Variants in AGMO observed in about 807,000 individuals in gnomAD.
The protein encoded by AGMO is glyceryl-ether monooxygenase.
Under a neutral mutation model 60.2 loss-of-function variants are expected in AGMO, and 75 were observed. The ratio of observed to expected loss-of-function variants is 1.25; its 90% CI spans 1.03 to 1.51. The LOEUF is 1.51. Among genes scored for constraint, AGMO ranks in the 40% most tolerant of loss-of-function variants. AGMO has a pLI of 0.00. For synonymous variants in AGMO, 261 were observed against 177.1 expected, an observed-to-expected ratio of 1.47 and a Z score of -3.76; for missense variants, 763 against 525.5, an observed-to-expected ratio of 1.45 and a Z score of -4.42.
intron 12 of AGMO, among the ~76,000 whole-genome samples, chr7:15,292,470 T>C (rs1181717395): frequency 1.3e-5 from 2 of 152,126 alleles, no homozygotes; most frequent in African/African-American, 4.8e-5. Flanking sequence ...AGGAACTAAA[T>C]TGTTCAGCAT....
intron 12 of AGMO, among the ~76,000 whole-genome samples, chr7:15,281,121 C>T (rs1354368543): frequency 1.3e-5 from 2 of 152,046 alleles, no homozygotes; most frequent in Non-Finnish European, 2.9e-5. Context: ...ACAAAAGAAT[C>T]CAGATGGCAG....
chr7:15,520,532 G>C (rs10950566), intron 3 of AGMO, among the ~76,000 whole-genome samples: 8 of 152,022 alleles, frequency 5.3e-5, no homozygotes, highest in African/African-American at 1.9e-4. Flanking sequence ...TTAGAACTCA[G>C]GATTAAGAAA....
chr7:15,328,105 CTTTTTT>C (rs1470004250), intron 12 of AGMO, among the ~76,000 whole-genome samples: 1 of 150,988 alleles, frequency 6.6e-6, no homozygotes, highest in Non-Finnish European at 1.5e-5. Context: ...TCCTTCTTTT[CTTTTTT>C]ATTTTTTTTC....
At chr7:15,543,287 A>G (rs1044539510) in intron 3 of AGMO, among the ~76,000 whole-genome samples, 2 of 152,198 alleles carry the variant, frequency 1.3e-5, no homozygotes, top group Non-Finnish European at 2.9e-5. Context: ...CCTTAGCTCT[A>G]CAATCATTCC....
chr7:15,276,545 C>A (rs1388187576), intron 12 of AGMO, among the ~76,000 whole-genome samples: 1 of 152,074 alleles, frequency 6.6e-6, no homozygotes. Flanking sequence ...TATCTAGCAG[C>A]TGCTCCTCAA....
the AGMO span, among the ~76,000 whole-genome samples, chr7:15,178,132 G>A: frequency 6.6e-6 from 1 of 152,010 alleles, no homozygotes; most frequent in Non-Finnish European, 1.5e-5. Context: ...GCCCTTTTGG[G>A]GGAGTGGAAT....
chr7:15,423,392 G>A (rs9639233), intron 4 of AGMO, among the ~76,000 whole-genome samples: 54,787 of 151,870 alleles, frequency 0.36, 9,999 homozygotes, highest in Middle Eastern at 0.46. Flanking sequence ...TATTTAGAAA[G>A]TCATTATCTT....
intron 3 of AGMO, among the ~76,000 whole-genome samples, chr7:15,439,918 A>T (rs969623346): frequency 2.0e-5 from 3 of 152,118 alleles, no homozygotes; most frequent in African/African-American, 7.2e-5. Flanking sequence ...TCTTGCTTCC[A>T]ATCTCTCCCC....
In AGMO at chr7:15,418,606, A is replaced by C. The variant is rs373210948; in HGVS notation, c.561T>G (p.Ala187=). The change falls in exon 5 of 13, where the codon GCT becomes GCG. Residue 187 remains alanine (A), a synonymous_variant. Coordinates refer to ENST00000342526, the MANE Select transcript of AGMO (RefSeq NM_001004320.2). The stretch of plus-strand genomic sequence containing the variant: ...AAAGAAGATTGAATTGAAGATGAAC[A>C]GCATATACTGAAGGGGGTATGAAGA... ...LALFIPPSVY[A]VHLQFNLLYQ... is the part of the protein sequence containing the mutation. 2 of 1,585,186 alleles carry C rather than the reference A, an allele frequency of 1.3e-6. No individual in the cohort carries two copies. The highest frequency in any genetic ancestry group is 2.3e-5 in the South Asian group (2 of 86,170).
At chr7:15,470,004 A>G (rs548557517) in intron 3 of AGMO, among the ~76,000 whole-genome samples, 244 of 152,194 alleles carry the variant, frequency 1.6e-3, no homozygotes, top group African/African-American at 5.6e-3. Context: ...ACCAAACAGC[A>G]AAAACCCAAT....
chr7:15,208,628 T>C (rs12536181), intron 12 of AGMO, among the ~76,000 whole-genome samples: 13,085 of 152,248 alleles, frequency 0.086, 809 homozygotes, highest in Non-Finnish European at 0.12. Flanking sequence ...CCATTCAAAA[T>C]AACCTGCACC....
intron 3 of AGMO, among the ~76,000 whole-genome samples, chr7:15,493,904 T>C (rs531963431): frequency 2.6e-5 from 4 of 152,292 alleles, no homozygotes; most frequent in African/African-American, 9.6e-5. Context: ...ATGGGTTGTA[T>C]GAGATATTTT....
At chr7:15,326,922 G>C (rs1371972861) in intron 12 of AGMO, among the ~76,000 whole-genome samples, 2 of 152,224 alleles carry the variant, frequency 1.3e-5, no homozygotes, top group East Asian at 3.8e-4. Context: ...AACCAAGACA[G>C]TAAAGTTTTA....
At chr7:15,466,504 T>C (rs901605168) in intron 3 of AGMO, among the ~76,000 whole-genome samples, 1 of 152,188 alleles carries the variant, frequency 6.6e-6, no homozygotes, top group Non-Finnish European at 1.5e-5. Context: ...GCTCATGTTA[T>C]AGGTGAAGAA....
At chr7:15,129,282 T>C in the AGMO span, among the ~76,000 whole-genome samples, 2 of 132,530 alleles carry the variant, frequency 1.5e-5, no homozygotes, top group African/African-American at 5.0e-5. Context: ...TTACTTATAG[T>C]GCCTGGCCAT....
intron 12 of AGMO, among the ~76,000 whole-genome samples, chr7:15,354,357 CGTGTGTATATAGACGT>C (rs1782386420): frequency 9.4e-5 from 7 of 74,682 alleles, no homozygotes; most frequent in African/African-American, 3.5e-4. Context: ...TGTATATAGA[CGTGTGTATATAGACGT>C]GTGTATACAC....
chr7:15,362,186 TTACA>T (rs1583458142), intron 12 of AGMO, among the ~76,000 whole-genome samples: 2 of 152,118 alleles, frequency 1.3e-5, no homozygotes, highest in East Asian at 1.9e-4. Context: ...TGGCAAAGAT[TTACA>T]TAAAGTTTTA....
At chr7:15,356,521 A>G (rs1367140276) in intron 12 of AGMO, among the ~76,000 whole-genome samples, 1 of 152,136 alleles carries the variant, frequency 6.6e-6, no homozygotes, top group Admixed American at 6.5e-5. Context: ...TTGCTTAATG[A>G]TACCTTGAAG....
chr7:15,251,768 C>T (rs935395537), intron 12 of AGMO, among the ~76,000 whole-genome samples: 1 of 152,106 alleles, frequency 6.6e-6, no homozygotes, highest in South Asian at 2.1e-4. Context: ...AAGTGAGGCA[C>T]GGGGGGCAAG....
Sources: gnomAD v4.1 joint callset for allele counts (sites outside exome capture counted in the v4.1 genomes callset) on GRCh38, gnomAD v4.1.1 for gene constraint, MANE v1.5 for transcripts, NCBI Gene and HGNC (gene_info 2026-07-23, HGNC 2026-07-21) for gene names.